The following MICAL3 variants were observed in gnomAD, a reference collection of about 807,000 sequenced individuals.
MICAL3 encodes microtubule associated monooxygenase, calponin and LIM domain containing 3.
MICAL3 carries 62 observed loss-of-function variants against 207.4 expected under a neutral mutation model. The ratio of observed to expected loss-of-function variants is 0.30; its 90% CI spans 0.24 to 0.37. MICAL3 has a LOEUF of 0.37. Among genes scored for constraint, MICAL3 ranks in the 10% least tolerant of loss-of-function variants. MICAL3 has a pLI of 1.00. For synonymous variants in MICAL3, 1,077 were observed against 1,069.3 expected (o/e 1.01, Z -0.14); for missense variants, 2,368 against 2,635.6 (o/e 0.90, Z 2.22).
chr22:17,920,613 G>A (rs947492717), intron 1 of MICAL3, among the ~76,000 whole-genome samples: 6 of 152,048 alleles, frequency 3.9e-5, no homozygotes, highest in Admixed American at 1.3e-4. Context: ...TTCATCTGCC[G>A]CTCTCAAAAA....
intron 26 of MICAL3, 89 bp downstream of exon 26, chr22:17,817,222 G>GT (rs1921091213): frequency 3.5e-6 from 5 of 1,427,940 alleles, no homozygotes; most frequent in South Asian, 2.8e-5. Context: ...CGGGGAGCGT[G>GT]TGAGTGTGGA....
chr22:17,994,147 C>T (rs1922009844), intron 1 of MICAL3, among the ~76,000 whole-genome samples: 1 of 152,206 alleles, frequency 6.6e-6, no homozygotes, highest in Non-Finnish European at 1.5e-5. Flanking sequence ...GTGCTGCTCT[C>T]CCACCCCTGT....
chr22:17,953,859 A>C (rs761528532), intron 1 of MICAL3, among the ~76,000 whole-genome samples: 1 of 136,236 alleles, frequency 7.3e-6, no homozygotes. Context: ...TGGACCTAGG[A>C]GGGGGAGGTT....
chr22:17,944,377 T>A (rs1933956209), intron 1 of MICAL3, among the ~76,000 whole-genome samples: 1 of 152,140 alleles, frequency 6.6e-6, no homozygotes, highest in African/African-American at 2.4e-5. Flanking sequence ...GGCGCAGGGT[T>A]CCAGGAGAGC....
intron 20 of MICAL3, among the ~76,000 whole-genome samples, chr22:17,838,265 TC>T (rs1473382933): frequency 2.6e-5 from 4 of 152,196 alleles, no homozygotes; most frequent in Admixed American, 6.5e-5. Flanking sequence ...AGGCGCTGAA[TC>T]AGAAACTCAG....
At chr22:17,916,408 T>C (rs77857468) in intron 1 of MICAL3, among the ~76,000 whole-genome samples, 3,331 of 152,264 alleles carry the variant, frequency 0.022, 131 homozygotes, top group African/African-American at 0.076. Context: ...CACCCAGTCC[T>C]GACCCCACCC....
At chr22:17,987,241 G>A (rs540158055) in intron 1 of MICAL3, among the ~76,000 whole-genome samples, 31 of 152,020 alleles carry the variant, frequency 2.0e-4, no homozygotes, top group African/African-American at 6.5e-4. Context: ...ACCCTAACTC[G>A]AAAAAAGAAA....
rs139136956 is a variant in MICAL3 at position 17,976,027 on chromosome 22, C to T, written c.-75+48254G>A. Among the ~76,000 whole-genome samples the T allele has an allele frequency of 1.4e-4, 21 of 150,340 alleles. 1 individual carries two copies. The highest frequency in any genetic ancestry group is 4.2e-4 in the African/African-American group (17 of 40,448). On this transcript the variant is annotated intron_variant, in intron 1 of 31. Coordinates refer to ENST00000441493, the MANE Select transcript of MICAL3 (RefSeq NM_015241.3). ...TAACACCATTGCACTCCAGCCTGGG[C>T]GACAGAGCCAGACTGGGTCTCAAAA... is the stretch of plus-strand genomic sequence containing the variant.
intron 1 of MICAL3, among the ~76,000 whole-genome samples, chr22:17,956,451 C>T (rs1934617903): frequency 1.3e-5 from 2 of 152,110 alleles, no homozygotes. Flanking sequence ...AGGCGGGCCT[C>T]CTGAGGTCAG....
chr22:17,851,904 G>A (rs1366897130), intron 19 of MICAL3, among the ~76,000 whole-genome samples: 1 of 152,242 alleles, frequency 6.6e-6, no homozygotes, highest in Non-Finnish European at 1.5e-5. Flanking sequence ...AAGGGGCCCA[G>A]TGTTGACACG....
chr22:17,791,377 T>C, intron 29 of MICAL3, 76 bp from the exon 30 acceptor site: 1 of 1,282,404 alleles, frequency 7.8e-7, no homozygotes, highest in Non-Finnish European at 1.1e-6. Flanking sequence ...ACGGGGCAAA[T>C]GTGCAAAGAG....
At chr22:17,873,996 C>A (rs1308114233) in intron 16 of MICAL3, among the ~76,000 whole-genome samples, 3 of 152,200 alleles carry the variant, frequency 2.0e-5, no homozygotes, top group Non-Finnish European at 2.9e-5. Flanking sequence ...GCCAACAGCC[C>A]CCTTAGGACA....
intron 1 of MICAL3, among the ~76,000 whole-genome samples, chr22:18,007,794 G>A (rs1337873046): frequency 6.6e-6 from 1 of 151,342 alleles, no homozygotes; most frequent in African/African-American, 2.4e-5. Flanking sequence ...ATGGTGGCGG[G>A]TGCCTGTAGT....
chr22:17,968,835 C>T (rs1327840887), intron 1 of MICAL3, among the ~76,000 whole-genome samples: 1 of 152,056 alleles, frequency 6.6e-6, no homozygotes, highest in Non-Finnish European at 1.5e-5. Context: ...TTCAAACATG[C>T]CTTGTGACCA....
chr22:17,803,237 A>C (rs1449080142), intron 29 of MICAL3, among the ~76,000 whole-genome samples: 2 of 152,152 alleles, frequency 1.3e-5, no homozygotes, highest in Non-Finnish European at 2.9e-5. Context: ...AGTGAGCCCC[A>C]GGACAGAGCA....
chr22:17,952,548 A>G (rs1934398568), intron 1 of MICAL3, among the ~76,000 whole-genome samples: 1 of 152,186 alleles, frequency 6.6e-6, no homozygotes, highest in Non-Finnish European at 1.5e-5. Flanking sequence ...CCAATCACAC[A>G]CTATAAAACA....
chr22:17,875,366 C>T lies in MICAL3; in HGVS notation c.2242-3343G>A, dbSNP rs1302548274. 2.4e-5 allele frequency: 20 copies of T among 831,458 alleles called. No homozygotes were observed. In the East Asian group the frequency reaches 6.5e-4, roughly 27 times the overall value. 51.5% of individuals were successfully genotyped at this position (831,458 alleles called of 1,614,324 possible). A position where few individuals can be genotyped will look rare whatever the true frequency, so the allele number is the denominator to read the frequency against. Reference sequence around the variant, plus strand: ...CCCAAGTGAGGAACACTGCAGCCTCCTGGGGTACATGACACTTGCGAAAGT... The same window carrying T: ...CCCAAGTGAGGAACACTGCAGCCTCTTGGGGTACATGACACTTGCGAAAGT... On this transcript the variant is annotated intron_variant, in intron 16 of 31. Coordinates refer to ENST00000441493, the MANE Select transcript of MICAL3 (RefSeq NM_015241.3).
At chr22:17,835,661 T>A (rs1005229623) in intron 20 of MICAL3, among the ~76,000 whole-genome samples, 3 of 152,188 alleles carry the variant, frequency 2.0e-5, no homozygotes, top group Admixed American at 6.5e-5. Flanking sequence ...AACTTCTCCC[T>A]CCCTCTGGGG....
intron 1 of MICAL3, among the ~76,000 whole-genome samples, chr22:17,952,101 C>T (rs185537923): frequency 9.7e-4 from 147 of 152,306 alleles, no homozygotes; most frequent in African/African-American, 3.2e-3. Context: ...AGGATGGGAA[C>T]GGGACTGCAG....
Sources: gnomAD v4.1 joint callset for allele counts (sites outside exome capture counted in the v4.1 genomes callset) on GRCh38, gnomAD v4.1.1 for gene constraint, MANE v1.5 for transcripts, NCBI Gene and HGNC (gene_info 2026-07-23, HGNC 2026-07-21) for gene names.